TP53I13: variants seen among roughly 807,000 people sequenced by gnomAD.
TP53I13 encodes tumor protein p53 inducible protein 13.
A neutral mutation model predicts 39.1 loss-of-function variants in TP53I13; 27 were observed. The ratio of observed to expected loss-of-function variants is 0.69; its 90% CI spans 0.51 to 0.95. TP53I13 has a LOEUF of 0.95. TP53I13 is among the 40% of genes least tolerant of loss of function. The probability of loss-of-function intolerance (pLI) is 0.00; values close to 1 mark genes in which losing one functional copy is unlikely to be tolerated. For synonymous variants in TP53I13, 230 were observed against 224.6 expected, an observed-to-expected ratio of 1.02 and a Z score of -0.22; for missense variants, 544 against 520.4, an observed-to-expected ratio of 1.05 and a Z score of -0.44.
At chr17:29,576,969 T>G (rs769861158), downstream of TP53I13, 13 of 1,602,444 alleles carry the variant, frequency 8.1e-6, no homozygotes, top group Non-Finnish European at 1.1e-5. Context: ...GAGGTCACTC[T>G]GGCTCCGCAG....
the TP53I13 span, chr17:29,582,106 T>C: frequency 2.5e-6 from 4 of 1,599,094 alleles, no homozygotes; most frequent in Admixed American, 1.7e-5. Flanking sequence ...GGCGCAGACA[T>C]GTCTCCAGGT....
At chr17:29,580,219 G>C in the TP53I13 span, among the ~76,000 whole-genome samples, 3 of 152,216 alleles carry the variant, frequency 2.0e-5, no homozygotes, top group Non-Finnish European at 2.9e-5. Flanking sequence ...CTCCGGGAAG[G>C]TGCTCAGTTA....
downstream of TP53I13, chr17:29,574,597 C>T (rs1436478541): frequency 1.0e-6 from 1 of 982,666 alleles, no homozygotes; most frequent in Non-Finnish European, 1.6e-6. Context: ...GCACTAAGGG[C>T]ACTTGTGCCA....
the TP53I13 span, chr17:29,579,165 G>A: frequency 3.2e-6 from 2 of 620,626 alleles, no homozygotes; most frequent in Non-Finnish European, 2.9e-6. Context: ...CCTCTGGCTT[G>A]CTCTTCCTCT....
At chr17:29,578,518 G>T in the TP53I13 span, 1 of 873,230 alleles carries the variant, frequency 1.1e-6, no homozygotes, top group South Asian at 1.4e-5. Context: ...AAAGTGGAAA[G>T]GGATCATGTT....
At chr17:29,574,388 T>G, downstream of TP53I13, 1 of 388,710 alleles carries the variant, frequency 2.6e-6, no homozygotes, top group Non-Finnish European at 4.8e-6. Context: ...ACCTGCCCCT[T>G]TGCTGAGGGT....
In TP53I13 at chr17:29,568,785, A is replaced by G. The variant is rs746862617; in HGVS notation, c.27A>G (p.Gln9=). The G allele has an allele frequency of 4.5e-5, 72 of 1,597,462 alleles. No individual in the cohort carries two copies. The highest frequency in any genetic ancestry group is 1.6e-4 in the Middle Eastern group (1 of 6,064). MAPPPPSP[Q]LLLLAALARL... ...TGGCGCCTCCTCCGCCTTCGCCCCAACTGCTTCTCCTGGCAGCCCTCGCGA... is the reference window on the plus strand; with the variant it reads ...TGGCGCCTCCTCCGCCTTCGCCCCAGCTGCTTCTCCTGGCAGCCCTCGCGA... Residue 9 remains glutamine, a synonymous_variant, in exon 1 of 7, where the codon CAA becomes CAG. Coordinates refer to ENST00000301057, the MANE Select transcript of TP53I13 (RefSeq NM_138349.4). This position sits in a 1 kb window ranked among gnomAD's most constrained non-coding sequence, Gnocchi z 4.5.
the TP53I13 span, chr17:29,579,168 C>T: frequency 8.0e-3 from 4,963 of 618,296 alleles, 28 homozygotes; most frequent in Non-Finnish European, 0.011. Flanking sequence ...CTGGCTTGCT[C>T]TTCCTCTCAG....
At chr17:29,567,078 G>A (rs1598546617), upstream of TP53I13, 7 of 945,710 alleles carry the variant, frequency 7.4e-6, no homozygotes, top group Non-Finnish European at 9.2e-6. This position sits in a 1 kb window ranked among gnomAD's most constrained non-coding sequence, Gnocchi z 6.6. Flanking sequence ...GGGCCCTCCC[G>A]CGCGGGCGCG....
At chr17:29,581,711 C>A in the TP53I13 span, 1 of 1,575,482 alleles carries the variant, frequency 6.3e-7, no homozygotes, top group South Asian at 1.1e-5. The surrounding 1 kb of genome is among the most constrained non-coding windows in gnomAD (Gnocchi z 4.8). Flanking sequence ...CCAGGCCTGT[C>A]ACAGCCAGGC....
At position 29,568,830 on chromosome 17, in the gene TP53I13, G is replaced by A. The variant is rs764897761; in HGVS notation, c.72G>A (p.Glu24=). Residue 24 remains glutamate (E), a splice_region_variant and synonymous_variant, in exon 1 of 7, where the codon GAG becomes GAA. Coordinates refer to ENST00000301057, the MANE Select transcript of TP53I13 (RefSeq NM_138349.4). This position sits in a 1 kb window ranked among gnomAD's most constrained non-coding sequence, Gnocchi z 4.5. ...TCGCGAGGCTCCTGGGTCCCAGCGAGGTAAGGTGACCCGCTCCTGGGAAGG... is the reference window on the plus strand; with the variant it reads ...TCGCGAGGCTCCTGGGTCCCAGCGAAGTAAGGTGACCCGCTCCTGGGAAGG... ...AALARLLGPS[E]VMAGPAEEAG... 2.5e-6 allele frequency: 4 copies of A among 1,599,908 alleles called. No homozygotes were observed. Among genetic ancestry groups the A allele is most frequent in the East Asian group, 4.5e-5 (2 of 44,834 alleles).
downstream of TP53I13, chr17:29,574,571 G>A: frequency 1.2e-6 from 1 of 822,506 alleles, no homozygotes; most frequent in Non-Finnish European, 2.1e-6. Context: ...GCACCTGGCT[G>A]CCAGGGAGTG....
At chr17:29,581,649 C>T in the TP53I13 span, 1 of 966,768 alleles carries the variant, frequency 1.0e-6, no homozygotes, top group Non-Finnish European at 1.6e-6. This position sits in a 1 kb window ranked among gnomAD's most constrained non-coding sequence, Gnocchi z 4.8. Flanking sequence ...GCCGCTCTGT[C>T]ACCATGGCAC....
At chr17:29,576,850 G>C (rs746542754), downstream of TP53I13, 1 of 1,576,968 alleles carries the variant, frequency 6.3e-7, no homozygotes. Flanking sequence ...GGGAAGGAGG[G>C]TGGGACTCAG....
intron 3 of TP53I13, chr17:29,569,983 A>G (rs2032864107): frequency 6.6e-6 from 1 of 151,996 alleles, no homozygotes; most frequent in South Asian, 2.1e-4. Context: ...AGTGGCACTC[A>G]CTGCAACCTC....
intron 3 of TP53I13, chr17:29,569,794 C>G (rs985991974): frequency 6.2e-6 from 1 of 160,372 alleles, no homozygotes; most frequent in African/African-American, 2.4e-5. Flanking sequence ...GCACCGTGTA[C>G]AGTACAGAGC....
the TP53I13 span, among the ~76,000 whole-genome samples, chr17:29,580,774 T>G: frequency 1.3e-5 from 2 of 151,570 alleles, no homozygotes; most frequent in African/African-American, 4.9e-5. Flanking sequence ...CTGTTTCTTT[T>G]TCTTTTTTTT....
chr17:29,575,942 G>GC (rs747334658), downstream of TP53I13: 4 of 1,550,280 alleles, frequency 2.6e-6, no homozygotes, highest in Admixed American at 1.7e-5. The surrounding 1 kb of genome is among the most constrained non-coding windows in gnomAD (Gnocchi z 5.5). Context: ...GTGCCCCACT[G>GC]CCCCCCTGCT....
At position 29,568,911 on chromosome 17, in the gene TP53I13, G is replaced by T. The variant is rs1463980667; in HGVS notation, c.72+81G>T. 13 of 1,595,902 alleles carry T rather than the reference G, an allele frequency of 8.1e-6. No individual in the cohort carries two copies. Among genetic ancestry groups the T allele is most frequent in the Non-Finnish European group, 1.0e-5 (12 of 1,174,650 alleles). On this transcript the variant is annotated intron_variant, in intron 1 of 6. Transcript: ENST00000301057. The surrounding 1 kb of genome is among the most constrained non-coding windows in gnomAD (Gnocchi z 4.5). ...AAAAGTTCGTCCTGGAAGGAGTGGC[G>T]CGCCGAGGGGGACGCGGAGTTCTTC...
Sources: gnomAD v4.1 joint callset for allele counts (sites outside exome capture counted in the v4.1 genomes callset) on GRCh38, gnomAD v4.1.1 for gene constraint, Gnocchi (gnomAD v3.1) non-coding constraint, MANE v1.5 for transcripts, NCBI Gene and HGNC (gene_info 2026-07-23, HGNC 2026-07-21) for gene names.